Variants in PIGQ observed in about 807,000 individuals in gnomAD.
PIGQ encodes the protein phosphatidylinositol N-acetylglucosaminyltransferase subunit Q.
Under a neutral mutation model 60.3 loss-of-function variants are expected in PIGQ, and 54 were observed. That is an observed-to-expected ratio of 0.90 (90% confidence interval 0.72 to 1.12). PIGQ has a LOEUF of 1.12. Ranked by LOEUF, PIGQ falls within the 50% of genes most tolerant of loss-of-function variation. PIGQ has a pLI of 0.00. For synonymous variants in PIGQ, 416 were observed against 363.7 expected (o/e 1.14, Z -1.64); for missense variants, 799 against 793.5 (o/e 1.01, Z -0.08).
chr16:580,984 G>T lies in PIGQ; in HGVS notation c.1531+12G>T. ...CTACAGGCTGGCGGGTAAGTGCTGC[G>T]TATTGGGCAGCTGGCCCTGGGTAGG... On this transcript the variant is annotated intron_variant, in intron 9 of 10. Transcript: ENST00000321878. The T allele has an allele frequency of 6.5e-7, 1 of 1,544,252 alleles. No homozygotes were observed. Among genetic ancestry groups the T allele is most frequent in the Non-Finnish European group, 8.9e-7 (1 of 1,118,170 alleles).
chr16:578,842 C>T lies in PIGQ; in HGVS notation c.1127C>T (p.Ser376Leu), dbSNP rs752737257. 34 of 1,613,814 alleles carry T rather than the reference C, an allele frequency of 2.1e-5. No individual in the cohort carries two copies. The highest frequency in any genetic ancestry group is 8.8e-5 in the South Asian group (8 of 91,088). Residue 376 changes from serine (S) to leucine (L), a missense_variant, in exon 6 of 11, where the codon TCG (serine) becomes TTG (leucine). By Grantham distance (145) the Ser-to-Leu change is moderately radical (BLOSUM62 -2). Coordinates refer to ENST00000321878, the MANE Select transcript of PIGQ (RefSeq NM_004204.5). ...VEHILWHVGL[S>L]ACLGLTVALS... Reference sequence around the variant, plus strand: ...CACATCCTTTGGCACGTGGGCCTCTCGGCCTGCCTGGGCCTGACGGTGGCC... The same window carrying T: ...CACATCCTTTGGCACGTGGGCCTCTTGGCCTGCCTGGGCCTGACGGTGGCC...
At chr16:580,319 C>G in intron 8 of PIGQ, 56 bp downstream of exon 8, 3 of 1,375,682 alleles carry the variant, frequency 2.2e-6, no homozygotes. Context: ...TGGCTTCTGC[C>G]AGCGCTGCCT....
At position 574,557 on chromosome 16, in the gene PIGQ, C is replaced by T. The variant is rs1280710187; in HGVS notation, c.483C>T (p.Gly161=). The T allele has an allele frequency of 6.2e-7, 1 of 1,603,692 alleles. No individual in the cohort carries two copies. The highest frequency in any genetic ancestry group is 8.5e-7 in the Non-Finnish European group (1 of 1,175,730). The change falls in exon 2 of 11, where the codon GGC becomes GGT. Residue 161 remains glycine, a synonymous_variant. Transcript: ENST00000321878. ...QAGATTASTG[G]LAAVFDTVAR... is the part of the protein sequence containing the mutation. The stretch of plus-strand genomic sequence containing the variant: ...GAGCCACCACTGCCAGCACGGGGGG[C>T]CTGGCTGCCGTCTTCGACACGGTAG...
chr16:575,939 C>T lies in PIGQ; in HGVS notation c.790C>T (p.Arg264Trp), dbSNP rs761862021. The T allele has an allele frequency of 1.5e-5, 23 of 1,584,832 alleles. No homozygotes were observed. The highest frequency in any genetic ancestry group is 8.1e-5 in the African/African-American group (6 of 74,526). The stretch of plus-strand genomic sequence containing the variant: ...GCACCTCACGCTAATCTTCAGTACA[C>T]GGAAGGCGGAGAACCCTGCCCAGCT... ...LEHLTLIFST[R>W]KAENPAQLMR... is the part of the protein sequence containing the mutation. Residue 264 changes from arginine (R) to tryptophan (W), a missense_variant, in exon 3 of 11, where the codon CGG becomes TGG. By Grantham distance (101) the Arg-to-Trp change is moderately radical (BLOSUM62 -3). Transcript: ENST00000321878.
chr16:582,762 C>G (rs1358981664), intron 10 of PIGQ, 121 bp from the exon 11 acceptor site: 1 of 1,108,150 alleles, frequency 9.0e-7, no homozygotes, highest in East Asian at 2.4e-5. Flanking sequence ...GCTTCTCCCA[C>G]AGGCAAGGGA....
At chr16:571,434 C>CTG (rs3074406) in intron 1 of PIGQ, among the ~76,000 whole-genome samples, 16,860 of 74,654 alleles carry the variant, frequency 0.23, 2,429 homozygotes, top group East Asian at 0.55. Flanking sequence ...TCTGGTTAGC[C>CTG]TGTGTGTGTG....
rs773924487 is a variant in PIGQ, at chr16:582,875, C to T, written c.1594-8C>T. The T allele has an allele frequency of 2.5e-6, 4 of 1,591,676 alleles. No individual in the cohort carries two copies. Among genetic ancestry groups the T allele is most frequent in the Non-Finnish European group, 3.4e-6 (4 of 1,166,272 alleles). On this transcript the variant is annotated splice_polypyrimidine_tract_variant and splice_region_variant and intron_variant, in intron 10 of 10. Transcript: ENST00000321878. ...CCACCCCACTGACCGCTGCCCTTGT[C>T]CTTCCAGATAAACCCACTGCCCTAC...
At chr16:577,613 C>T (rs1490894806) in intron 4 of PIGQ, among the ~76,000 whole-genome samples, 1 of 151,272 alleles carries the variant, frequency 6.6e-6, no homozygotes, top group Non-Finnish European at 1.5e-5. Context: ...TTTTCTCCTT[C>T]TTGCCAGTCC....
At chr16:582,115 G>GGGAGAGCTTCGTGGGGGGGCA (rs1567177972) in intron 9 of PIGQ, 133 bp from the exon 10 acceptor site, 1 of 725,188 alleles carries the variant, frequency 1.4e-6, no homozygotes, top group South Asian at 1.5e-5. Flanking sequence ...CGGAGGGGGC[G>GGGAGAGCTTCGTGGGGGGGCA]GGGAGAGCTT....
rs564442292 is a variant in PIGQ at position 575,922 on chromosome 16, C to T, written c.773C>T (p.Thr258Met). 3.4e-5 allele frequency: 54 copies of T among 1,581,906 alleles called. No homozygotes were observed. Among genetic ancestry groups the T allele is most frequent in the South Asian group, 8.1e-5 (7 of 86,752 alleles). The change falls in exon 3 of 11, where the codon ACG (threonine) becomes ATG (methionine). Residue 258 changes from threonine to methionine, a missense_variant. Thr to Met is a moderately conservative substitution (Grantham distance 81). Transcript: ENST00000321878. ...EQLRHRLEHLTLIFSTRKAEN... is the reference protein window; with the variant it reads ...EQLRHRLEHLMLIFSTRKAEN... ...CTCCGGCACCGGCTGGAGCACCTCA[C>T]GCTAATCTTCAGTACACGGAAGGCG...
chr16:571,487 CCTGTGTGTGT>C (rs1313954367), intron 1 of PIGQ, among the ~76,000 whole-genome samples: 1 of 60,136 alleles, frequency 1.7e-5, no homozygotes, highest in Non-Finnish European at 3.0e-5. Context: ...GTCTGGTTAG[CCTGTGTGTGT>C]GTGTGTGTGT....
chr16:581,092 C>A, intron 9 of PIGQ, 120 bp downstream of exon 9: 1 of 1,353,176 alleles, frequency 7.4e-7, no homozygotes, highest in Admixed American at 1.9e-5. Context: ...CCGTGGTATG[C>A]ATGCGCAAGC....
intron 4 of PIGQ, 72 bp from the exon 5 acceptor site, chr16:578,306 CG>C: frequency 6.6e-7 from 1 of 1,512,178 alleles, no homozygotes; most frequent in Non-Finnish European, 8.9e-7. Context: ...GAGCCCATCA[CG>C]AAAGAGCCTG....
chr16:575,760 T>C (rs2035705555), intron 2 of PIGQ, 79 bp from the exon 3 acceptor site: 1 of 1,426,852 alleles, frequency 7.0e-7, no homozygotes, highest in African/African-American at 1.4e-5. Context: ...GCCTGGGTGT[T>C]TGTGGTCCCC....
rs763664510 is a variant in PIGQ, at chr16:574,097, C to T, written c.23C>T (p.Pro8Leu). The stretch of plus-strand genomic sequence containing the variant: ...GGCATGGTGCTCAAGGCCTTCTTCC[C>T]CACGTGCTGCGTCTCGACGGACAGC... MVLKAFF[P>L]TCCVSTDSGL... Residue 8 changes from proline (P) to leucine (L), a missense_variant, in exon 2 of 11, where the codon CCC becomes CTC. Transcript: ENST00000321878. 6.2e-7 allele frequency: 1 copy of T among 1,606,720 alleles called. No individual in the cohort carries two copies.
rs780359107 is a variant in PIGQ at position 578,860 on chromosome 16, C to T, written c.1145C>T (p.Thr382Met). ...GGCCTCTCGGCCTGCCTGGGCCTGA[C>T]GGTGGCCCTGTCCCTCCTCTCGGAC... ...HVGLSACLGLTVALSLLSDII... is the reference protein window; with the variant it reads ...HVGLSACLGLMVALSLLSDII... Residue 382 changes from threonine to methionine, a missense_variant, in exon 6 of 11, where the codon ACG becomes ATG. Transcript: ENST00000321878. 1.7e-5 allele frequency: 27 copies of T among 1,613,640 alleles called. No individual in the cohort carries two copies. The highest frequency in any genetic ancestry group is 2.2e-5 in the Non-Finnish European group (26 of 1,179,886).
intron 9 of PIGQ, chr16:581,349 C>A: frequency 8.3e-7 from 1 of 1,210,892 alleles, no homozygotes; most frequent in African/African-American, 1.6e-5. Flanking sequence ...CCAGTAAGTG[C>A]CCCGTCCGCT....
At chr16:575,783 G>A (rs1172184358) in intron 2 of PIGQ, 56 bp from the exon 3 acceptor site, 28 of 1,527,090 alleles carry the variant, frequency 1.8e-5, no homozygotes, top group Non-Finnish European at 1.9e-5. Flanking sequence ...CACAGTGGGG[G>A]ACGGTGGGAG....
Position 583,291 on chromosome 16 carries a change from G to T in PIGQ, c.*256G>T, listed in dbSNP as rs1295463652. ...TGGGACCCGCTTCCCACCTGCTGCG[G>T]TCACCATGGTGGCGAGCACAGCAAC... On this transcript the variant is annotated 3_prime_UTR_variant, in exon 11 of 11. Coordinates refer to ENST00000321878, the MANE Select transcript of PIGQ (RefSeq NM_004204.5). 1 of 1,612,882 alleles carries T rather than the reference G, an allele frequency of 6.2e-7. No homozygotes were observed. Among genetic ancestry groups the T allele is most frequent in the Non-Finnish European group, 8.5e-7 (1 of 1,179,972 alleles).
Sources: allele counts gnomAD v4.1 joint callset (sites outside exome capture counted in the v4.1 genomes callset), GRCh38; gene constraint gnomAD v4.1.1; transcripts MANE v1.5; gene names NCBI Gene and HGNC (gene_info 2026-07-23, HGNC 2026-07-21).